AMBRA1: variants seen among roughly 807,000 people sequenced by gnomAD.
AMBRA1 encodes the protein autophagy and beclin 1 regulator 1, also known as activating molecule in BECN1-regulated autophagy protein 1.
AMBRA1 carries 47 observed loss-of-function variants against 125.4 expected under a neutral mutation model. The observed-to-expected ratio is 0.37, with a 90% CI of 0.30 to 0.48. The LOEUF (loss-of-function observed/expected upper bound fraction) is 0.48, where lower values mean the gene tolerates loss of function less well. AMBRA1 is among the 20% of genes least tolerant of loss of function. The pLI, the probability that AMBRA1 is intolerant of heterozygous loss-of-function variation, is 0.99. For missense variants in AMBRA1, 1,331 were observed against 1,693.4 expected, an observed-to-expected ratio of 0.79 and a Z score of 3.76; for synonymous variants, 626 against 655.5, an observed-to-expected ratio of 0.95 and a Z score of 0.69.
At chr11:46,412,613 G>GTT (rs1052060831) in intron 15 of AMBRA1, among the ~76,000 whole-genome samples, 1 of 151,162 alleles carries the variant, frequency 6.6e-6, no homozygotes, top group Admixed American at 6.6e-5. Context: ...AATTTTCACT[G>GTT]TTTTTTTTTC....
chr11:46,517,240 C>T lies in AMBRA1; in HGVS notation c.2073-4427G>A, dbSNP rs183652198. On this transcript the variant is annotated intron_variant, in intron 7 of 17. Transcript: ENST00000683756. ...TCGGCTCACTGCAACCTCCGCCTCC[C>T]GGGTTCAAGTGATTCTCTTGCCTCA... is the stretch of plus-strand genomic sequence containing the variant. 2.5e-3 allele frequency among the ~76,000 whole-genome samples: 370 copies of T among 150,092 alleles called. 2 individuals carry two copies. Among genetic ancestry groups the T allele is most frequent in the African/African-American group, 8.7e-3 (356 of 40,812 alleles).
chr11:46,547,485 C>T (rs1313289704), intron 3 of AMBRA1, 189 bp from the exon 4 acceptor site: 1 of 599,216 alleles, frequency 1.7e-6, no homozygotes, highest in East Asian at 2.8e-5. Flanking sequence ...GGCTTGTCCA[C>T]ACTGTCCCCA....
chr11:46,536,836 G>C (rs1952502083), intron 7 of AMBRA1, among the ~76,000 whole-genome samples: 1 of 152,158 alleles, frequency 6.6e-6, no homozygotes, highest in Non-Finnish European at 1.5e-5. Flanking sequence ...CTCTAACCTT[G>C]ATGGCCACAT....
Position 46,543,370 on chromosome 11 carries a change from T to C in AMBRA1, c.647A>G (p.Asp216Gly). ...ACGGTAGTGGGATAATTCTGTTCCA[T>C]CTATGGGGATCTCTGGTTCGTCATC... The part of the protein sequence containing the change: ...QGDDEPEIPI[D>G]GTELSHYRQR... The change falls in exon 7 of 18, where the codon GAT becomes GGT. Residue 216 changes from aspartate to glycine, a missense_variant. Around this residue, in one of 4 missense-constraint regions of AMBRA1, gnomAD observed 689 missense variants for 776.5 expected, o/e 0.89. Coordinates refer to ENST00000683756, the MANE Select transcript of AMBRA1 (RefSeq NM_001387011.1). The C allele has an allele frequency of 1.9e-6, 3 of 1,613,912 alleles. No homozygotes were observed. The highest frequency in any genetic ancestry group is 2.5e-6 in the Non-Finnish European group (3 of 1,179,938).
At chr11:46,515,473 AAAACAAACAAAC>A (rs147206577) in intron 7 of AMBRA1, among the ~76,000 whole-genome samples, 217 of 151,370 alleles carry the variant, frequency 1.4e-3, no homozygotes, top group African/African-American at 5.1e-3. Context: ...ACTGCATCTC[AAAACAAACAAAC>A]AAACAAACAA....
intron 16 of AMBRA1, 141 bp downstream of exon 16, chr11:46,410,135 T>G (rs2136621221): frequency 1.4e-6 from 1 of 717,238 alleles, no homozygotes; most frequent in East Asian, 2.5e-5. Context: ...CAAATGAAAC[T>G]GTACACAAAA....
chr11:46,414,414 C>T (rs527759424), intron 15 of AMBRA1, among the ~76,000 whole-genome samples: 1 of 152,328 alleles, frequency 6.6e-6, no homozygotes, highest in East Asian at 1.9e-4. Context: ...AGAGCTGGGG[C>T]CTTGTCAGGA....
At chr11:46,517,298 C>T (rs1440331123) in intron 7 of AMBRA1, among the ~76,000 whole-genome samples, 14 of 151,090 alleles carry the variant, frequency 9.3e-5, no homozygotes, top group Non-Finnish European at 1.9e-4. Flanking sequence ...CAGGCGTCCA[C>T]CACCACACCC....
chr11:46,490,999 T>G (rs928320640), intron 11 of AMBRA1: 4 of 152,192 alleles, frequency 2.6e-5, no homozygotes, highest in African/African-American at 7.2e-5. Context: ...GCAGCTCAAT[T>G]ACATGATCAC....
At chr11:46,513,943 A>G (rs1951373293) in intron 7 of AMBRA1, among the ~76,000 whole-genome samples, 1 of 151,364 alleles carries the variant, frequency 6.6e-6, no homozygotes, top group Admixed American at 6.6e-5. Context: ...AACACGGCCC[A>G]GGGGCTCCCT....
intron 11 of AMBRA1, among the ~76,000 whole-genome samples, chr11:46,491,748 C>T (rs967332780): frequency 6.6e-6 from 1 of 152,186 alleles, no homozygotes; most frequent in Non-Finnish European, 1.5e-5. Flanking sequence ...TCAGATTTCA[C>T]ATCTGTAAAC....
intron 1 of AMBRA1, among the ~76,000 whole-genome samples, chr11:46,549,610 T>A (rs988083494): frequency 1.1e-4 from 16 of 152,124 alleles, no homozygotes; most frequent in Admixed American, 2.6e-4. Context: ...ACTATACCAA[T>A]TATCATCTAA....
At chr11:46,463,095 C>A (rs1949168929) in intron 11 of AMBRA1, among the ~76,000 whole-genome samples, 1 of 152,178 alleles carries the variant, frequency 6.6e-6, no homozygotes, top group Admixed American at 6.5e-5. Flanking sequence ...ATCTCACTAA[C>A]CTGATTATGA....
rs551198774 is a variant in AMBRA1, at chr11:46,407,205, A to AAAAT, written c.3403+1304_3403+1307dup. Among the ~76,000 whole-genome samples, 194 of 152,224 alleles carry AAAAT rather than the reference A, an allele frequency of 1.3e-3. 1 individual carries two copies. The highest frequency in any genetic ancestry group is 5.2e-3 in the South Asian group (25 of 4,822). The stretch of plus-strand genomic sequence containing the variant: ...GGTGACAGAGTGAGACTCTGTCTCA[A>AAAAT]AAATAAATAAATAAATAAATAAAAA... On this transcript the variant is annotated intron_variant, in intron 17 of 17. Transcript: ENST00000683756.
intron 1 of AMBRA1, among the ~76,000 whole-genome samples, chr11:46,571,407 G>A (rs145310960): frequency 6.6e-6 from 1 of 152,228 alleles, no homozygotes; most frequent in African/African-American, 2.4e-5. Flanking sequence ...ATATTACAGT[G>A]GTTCACTTCT....
intron 1 of AMBRA1, among the ~76,000 whole-genome samples, chr11:46,570,261 CAA>C (rs200875374): frequency 1.4e-4 from 2 of 14,260 alleles, no homozygotes; most frequent in East Asian, 1.5e-3. Flanking sequence ...GACCATGTCT[CAA>C]AAAAAAAAAA....
intron 14 of AMBRA1, among the ~76,000 whole-genome samples, chr11:46,432,992 C>T (rs1947526520): frequency 6.6e-6 from 1 of 152,154 alleles, no homozygotes; most frequent in South Asian, 2.1e-4. Flanking sequence ...GACCTTTTCT[C>T]CACTGGTGAA....
chr11:46,547,981 G>A, intron 2 of AMBRA1, 106 bp from the exon 3 acceptor site: 13 of 1,359,598 alleles, frequency 9.6e-6, no homozygotes, highest in Non-Finnish European at 1.3e-5. Context: ...TCACAGTGTA[G>A]GCTTAAAAAC....
intron 1 of AMBRA1, among the ~76,000 whole-genome samples, chr11:46,578,318 C>T (rs1252340307): frequency 6.6e-6 from 1 of 151,794 alleles, no homozygotes; most frequent in Non-Finnish European, 1.5e-5. Flanking sequence ...GAAACCCTGT[C>T]TCCACTAAAA....
Sources: gnomAD v4.1 joint callset for allele counts (sites outside exome capture counted in the v4.1 genomes callset) on GRCh38, gnomAD v4.1.1 for gene constraint, gnomAD v4.1.1 regional missense constraint, MANE v1.5 for transcripts, NCBI Gene and HGNC (gene_info 2026-07-23, HGNC 2026-07-21) for gene names.